Variants in KDM4B observed in about 807,000 individuals in gnomAD.
KDM4B encodes the protein lysine demethylase 4B.
A neutral mutation model predicts 125.2 loss-of-function variants in KDM4B; 32 were observed. The ratio of observed to expected loss-of-function variants is 0.26; its 90% CI spans 0.19 to 0.34. The LOEUF is 0.34. Ranked by LOEUF, KDM4B falls within the 10% of genes least tolerant of loss-of-function variation. The pLI is 1.00. For synonymous variants in KDM4B, 721 were observed against 677.9 expected (o/e 1.06, Z -0.99); for missense variants, 1,190 against 1,577.7 (o/e 0.75, Z 4.16).
rs548425397 is a variant in KDM4B, at chr19:5,141,585, G to A, written c.2551-2382G>A. On this transcript the variant is annotated intron_variant, in intron 18 of 22. Transcript: ENST00000159111. This position sits in a 1 kb window ranked among gnomAD's most constrained non-coding sequence, Gnocchi z 6.4. ...CGCCCAACCGCCCAGCCACCTTCGC[G>A]GGCCACGGGCAGGCTGCAGGCATGG... 17 of 152,366 alleles carry A rather than the reference G, an allele frequency of 1.1e-4. No individual in the cohort carries two copies. The highest frequency in any genetic ancestry group is 3.6e-4 in the African/African-American group (15 of 41,576). The allele number at this position is 152,366 out of a possible 1,614,324, so 9.4% of individuals were successfully genotyped here.
intron 1 of KDM4B, among the ~76,000 whole-genome samples, chr19:4,988,907 C>A (rs2034938502): frequency 6.6e-6 from 1 of 152,206 alleles, no homozygotes; most frequent in Non-Finnish European, 1.5e-5. Flanking sequence ...CCCTCCCGTC[C>A]AGCCTGGGTC....
intron 9 of KDM4B, among the ~76,000 whole-genome samples, chr19:5,108,529 G>A (rs897070411): frequency 6.6e-6 from 1 of 152,158 alleles, no homozygotes; most frequent in Admixed American, 6.5e-5. Context: ...GAAGGTTTCC[G>A]TCGTCCCCAA....
Position 5,151,516 on chromosome 19 carries a change from G to C in KDM4B, c.*5G>C, listed in dbSNP as rs904407594. On this transcript the variant is annotated 3_prime_UTR_variant, in exon 23 of 23. Coordinates refer to ENST00000159111, the MANE Select transcript of KDM4B (RefSeq NM_015015.3). The stretch of plus-strand genomic sequence containing the variant: ...CGGCCCGGAGCCCCCTTCTAGGACA[G>C]CTGGCCGCTCAGGCGACCCTCAGCC... 6 of 1,374,714 alleles carry C rather than the reference G, an allele frequency of 4.4e-6. No homozygotes were observed. The Admixed American group carries it at 2.0e-4, about 45-fold the overall frequency. The allele number at this position is 1,374,714 out of a possible 1,614,324, so 85.2% of individuals were successfully genotyped here.
intron 15 of KDM4B, 55 bp downstream of exon 15, chr19:5,135,616 G>A: frequency 6.9e-7 from 1 of 1,450,588 alleles, no homozygotes; most frequent in Non-Finnish European, 9.3e-7. Context: ...GGTGTTGGTG[G>A]GGGTGCCGGT....
rs1321114109 is a variant in KDM4B, at chr19:5,142,026, C to T, written c.2551-1941C>T. Among the ~76,000 whole-genome samples the T allele has an allele frequency of 3.0e-4, 45 of 152,178 alleles. No individual in the cohort carries two copies. Among genetic ancestry groups the T allele is most frequent in the Admixed American group, 1.3e-4 (2 of 15,286 alleles). On this transcript the variant is annotated intron_variant, in intron 18 of 22. Transcript: ENST00000159111. This position sits in a 1 kb window ranked among gnomAD's most constrained non-coding sequence, Gnocchi z 5.4. ...AAAGCAGGTTGGTGGACAGCCACTG[C>T]GCCTCAGTGTGTGACAGGCTGAGGA...
intron 1 of KDM4B, among the ~76,000 whole-genome samples, chr19:5,000,193 CCTAT>C (rs1348019409): frequency 8.6e-6 from 1 of 116,076 alleles, no homozygotes; most frequent in Non-Finnish European, 1.8e-5. Flanking sequence ...CACCCACCCA[CCTAT>C]CTACCATCCA....
intron 2 of KDM4B, among the ~76,000 whole-genome samples, chr19:5,019,074 G>A (rs1274414446): frequency 1.1e-5 from 1 of 92,774 alleles, no homozygotes; most frequent in African/African-American, 3.1e-5. Flanking sequence ...ACGTTGGTGT[G>A]CAGGTGCTGG....
At chr19:5,111,649 C>T in intron 10 of KDM4B, 1 of 704,180 alleles carries the variant, frequency 1.4e-6, no homozygotes, top group South Asian at 1.5e-5. Context: ...CTGTTTGGTG[C>T]CCAAGGAACA....
Position 5,151,688 on chromosome 19 carries a change from CAGGG to C in KDM4B, c.*180_*183del. The C allele has an allele frequency of 2.1e-6, 1 of 472,926 alleles. No homozygotes were observed. The highest frequency in any genetic ancestry group is 3.4e-6 in the Non-Finnish European group (1 of 293,656). The allele number at this position is 472,926 out of a possible 1,614,324, so 29.3% of individuals were successfully genotyped here. A position where few individuals can be genotyped will look rare whatever the true frequency, so the allele number is the denominator to read the frequency against. ...GGGACGCCGCACGCGGCCCCAGACTCAGGGAGCAGGGCCAGGCGGGCTCGGGGGC... is the reference window on the plus strand; with the variant it reads ...GGGACGCCGCACGCGGCCCCAGACTCAGCAGGGCCAGGCGGGCTCGGGGGC... On this transcript the variant is annotated 3_prime_UTR_variant, in exon 23 of 23. Coordinates refer to ENST00000159111, the MANE Select transcript of KDM4B (RefSeq NM_015015.3).
intron 18 of KDM4B, among the ~76,000 whole-genome samples, chr19:5,143,569 CTG>C (rs935056751): frequency 6.6e-6 from 1 of 152,300 alleles, no homozygotes; most frequent in African/African-American, 2.4e-5. Context: ...GCACTCACCT[CTG>C]TGTCCCCAGG....
rs754276893 is a variant in KDM4B at position 5,040,018 on chromosome 19, G to A, written c.317+7G>A. On this transcript the variant is annotated splice_region_variant and intron_variant, in intron 4 of 22. Transcript: ENST00000159111. ...GCCTGGCCAACAGCGAGAAGTACGCGGGGCGGGCAGGGCGGACCTGACCCC... is the reference window on the plus strand; with the variant it reads ...GCCTGGCCAACAGCGAGAAGTACGCAGGGCGGGCAGGGCGGACCTGACCCC... 3.7e-6 allele frequency: 6 copies of A among 1,606,560 alleles called. No homozygotes were observed. Among genetic ancestry groups the A allele is most frequent in the Non-Finnish European group, 4.3e-6 (5 of 1,175,700 alleles).
At chr19:4,995,117 C>T (rs1038352950) in intron 1 of KDM4B, among the ~76,000 whole-genome samples, 11 of 152,176 alleles carry the variant, frequency 7.2e-5, no homozygotes, top group African/African-American at 2.7e-4. Flanking sequence ...CCTCTTAGGA[C>T]CTGTGATCAT....
chr19:5,116,235 TAAAAAAAAAAAA>T (rs35940660), intron 10 of KDM4B, among the ~76,000 whole-genome samples: 1 of 40,382 alleles, frequency 2.5e-5, no homozygotes. Context: ...ACCACATCTC[TAAAAAAAAAAAA>T]AAAAAAAAAA....
intron 13 of KDM4B, 43 bp downstream of exon 13, chr19:5,132,050 C>T (rs763304856): frequency 1.3e-5 from 20 of 1,535,084 alleles, no homozygotes; most frequent in Admixed American, 4.3e-5. Context: ...AGCCCTGCTC[C>T]GCGCTCTGCT....
chr19:4,998,472 C>CTAA (rs2035270430), intron 1 of KDM4B, among the ~76,000 whole-genome samples: 1 of 152,140 alleles, frequency 6.6e-6, no homozygotes, highest in Admixed American at 6.6e-5. Context: ...GCCTTTAATC[C>CTAA]TTTCCTCTCA....
At chr19:5,071,579 C>T (rs1043635719) in intron 7 of KDM4B, among the ~76,000 whole-genome samples, 3 of 152,248 alleles carry the variant, frequency 2.0e-5, no homozygotes, top group South Asian at 2.1e-4. Flanking sequence ...GCCACCAGCT[C>T]GCGTTCATGT....
chr19:5,075,205 C>A (rs531912024), intron 7 of KDM4B: 1 of 152,340 alleles, frequency 6.6e-6, no homozygotes, highest in African/African-American at 2.4e-5. Context: ...AGGAAGTGCC[C>A]GAGATGAGGC....
chr19:5,111,580 G>C (rs754092152), intron 10 of KDM4B: 1 of 747,998 alleles, frequency 1.3e-6, no homozygotes, highest in African/African-American at 1.7e-5. Context: ...CCTCTGGGAA[G>C]TGTCCAGGCT....
chr19:4,972,473 C>T (rs2034294278), intron 1 of KDM4B, among the ~76,000 whole-genome samples: 1 of 152,190 alleles, frequency 6.6e-6, no homozygotes, highest in Admixed American at 6.5e-5. Context: ...CCCACCTCTG[C>T]CCTATCCACG....
Sources: allele counts gnomAD v4.1 joint callset (sites outside exome capture counted in the v4.1 genomes callset), GRCh38; gene constraint gnomAD v4.1.1; non-coding constraint Gnocchi (gnomAD v3.1); transcripts MANE v1.5; gene names NCBI Gene and HGNC (gene_info 2026-07-23, HGNC 2026-07-21).